Variants in DOCK9 observed in about 807,000 individuals in gnomAD.
The protein encoded by DOCK9 is dedicator of cytokinesis 9.
DOCK9 carries 89 observed loss-of-function variants against 263.3 expected under a neutral mutation model. That is an observed-to-expected ratio of 0.34 (90% CI 0.28 to 0.40). The LOEUF (loss-of-function observed/expected upper bound fraction) is 0.40, where lower values mean the gene tolerates loss of function less well. Ranked by LOEUF, DOCK9 falls within the 10% of genes least tolerant of loss-of-function variation. The pLI is 1.00. For synonymous variants in DOCK9, 976 were observed against 973.1 expected (o/e 1.00, Z -0.06); for missense variants, 2,140 against 2,603.4 (o/e 0.82, Z 3.87).
exon 1 of DOCK9, chr13:99,086,240 G>A: frequency 4.0e-6 from 6 of 1,505,146 alleles, no homozygotes; most frequent in Non-Finnish European, 5.3e-6. Context: ...ACGGAGCCGC[G>A]CACCACCTCA....
At position 99,051,850 on chromosome 13, in the gene DOCK9, A is replaced by G. The variant is rs560261641; in HGVS notation, c.129+34373T>C. 2.5e-3 allele frequency among the ~76,000 whole-genome samples: 253 copies of G among 99,420 alleles called. 1 individual carries two copies. Among genetic ancestry groups the G allele is most frequent in the Middle Eastern group, 9.3e-3 (2 of 214 alleles). The allele number at this position is 99,420 out of a possible 152,430, so 65.2% of individuals were successfully genotyped here. A position where few individuals can be genotyped will look rare whatever the true frequency, so the allele number is the denominator to read the frequency against. ...TTGCAGCTAAAGAACATGTTCCACT[A>G]GTGGCAAAAAAAAAAAAAAAAAAAA... On this transcript the variant is annotated intron_variant, in intron 1 of 32. Transcript: ENST00000427887.
chr13:99,075,336 T>C (rs2142410667), intron 1 of DOCK9, among the ~76,000 whole-genome samples: 1 of 150,014 alleles, frequency 6.7e-6, no homozygotes, highest in Non-Finnish European at 1.5e-5. Flanking sequence ...CCCATGTTGT[T>C]CAAAGGTCAG....
chr13:98,894,041 G>T (rs546738980), intron 15 of DOCK9, among the ~76,000 whole-genome samples: 23 of 152,234 alleles, frequency 1.5e-4, no homozygotes, highest in Middle Eastern at 3.4e-3. Flanking sequence ...TTTTCCCTGG[G>T]CTCCTTTCTG....
At chr13:99,004,435 A>C (rs1440038410) in intron 1 of DOCK9, among the ~76,000 whole-genome samples, 2 of 152,242 alleles carry the variant, frequency 1.3e-5, no homozygotes, top group Non-Finnish European at 2.9e-5. Flanking sequence ...TCTTAAGCCT[A>C]GAAAATATAC....
intron 1 of DOCK9, among the ~76,000 whole-genome samples, chr13:98,960,415 A>T (rs1206353132): frequency 6.6e-6 from 1 of 152,162 alleles, no homozygotes; most frequent in Non-Finnish European, 1.5e-5. Flanking sequence ...CTGCTTTTAT[A>T]GTGTATAAAA....
chr13:98,855,562 A>G (rs1566731703), intron 34 of DOCK9, among the ~76,000 whole-genome samples: 3 of 152,066 alleles, frequency 2.0e-5, no homozygotes, highest in Admixed American at 2.0e-4. Context: ...ACAGAGCGAG[A>G]CTCTGTCTCA....
chr13:98,797,160 G>A lies in DOCK9; in HGVS notation c.6111C>T (p.Asn2037=). 6.2e-7 allele frequency: 1 copy of A among 1,613,984 alleles called. No homozygotes were observed. The highest frequency in any genetic ancestry group is 8.5e-7 in the Non-Finnish European group (1 of 1,179,886). ...QLEYQEEMKA[N]YREMAKELSE... ...AAAGCTCCTTCGCCATTTCCCTGTA[G>A]TTGGCTTTCATTTCTTCCTGATACT... The change falls in exon 52 of 53, where the codon AAC becomes AAT. Residue 2037 remains asparagine (N), a synonymous_variant. Transcript: ENST00000682017.
rs748680708 is a variant in DOCK9 at position 99,015,435 on chromosome 13, G to A, written c.130-59884C>T. Reference sequence around the variant, plus strand: ...ATTAAACTACTTGTTAATTAAGCAAGATAGCATTTACCAGCCAGGAGGAGA... The same window carrying A: ...ATTAAACTACTTGTTAATTAAGCAAAATAGCATTTACCAGCCAGGAGGAGA... On this transcript the variant is annotated intron_variant, in intron 1 of 32. Transcript: ENST00000427887. The A allele has an allele frequency of 2.0e-5, 31 of 1,576,990 alleles. No individual in the cohort carries two copies. The East Asian group carries it at 6.1e-4, about 31-fold the overall frequency.
At chr13:98,935,745 G>A (rs1447818730) in intron 2 of DOCK9, among the ~76,000 whole-genome samples, 1 of 152,164 alleles carries the variant, frequency 6.6e-6, no homozygotes, top group Non-Finnish European at 1.5e-5. Context: ...TCCAGACTGG[G>A]TGACAGAATG....
intron 1 of DOCK9, among the ~76,000 whole-genome samples, chr13:99,025,574 G>C (rs1886612579): frequency 6.6e-6 from 1 of 152,254 alleles, no homozygotes; most frequent in Non-Finnish European, 1.5e-5. Flanking sequence ...AGGATGTGTT[G>C]AAAGTAGAAC....
intron 1 of DOCK9, among the ~76,000 whole-genome samples, chr13:99,012,479 G>A (rs1884669332): frequency 6.6e-6 from 1 of 152,168 alleles, no homozygotes; most frequent in East Asian, 1.9e-4. Flanking sequence ...TTTGCTTTCT[G>A]AGGGCAGGTG....
At position 98,955,506 on chromosome 13, in the gene DOCK9, C is replaced by T. The variant is rs533139175; in HGVS notation, c.172G>A (p.Val58Ile). Reference protein sequence around the residue: ...IEPLDYENVIVQKKTQILNDC... With the variant: ...IEPLDYENVIIQKKTQILNDC... The stretch of plus-strand genomic sequence containing the variant: ...TTCAGGATCTGAGTCTTCTTCTGGA[C>T]GATGACATTTTCATAGTCGAGTGGC... Residue 58 changes from valine (V) to isoleucine (I), a missense_variant, in exon 2 of 53, where the codon GTC becomes ATC. Around this residue, in one of 2 missense-constraint regions of DOCK9, gnomAD observed 1,521 missense variants for 1,741.7 expected, o/e 0.87. Coordinates refer to ENST00000682017, the MANE Select transcript of DOCK9 (RefSeq NM_001366683.2). The T allele has an allele frequency of 6.9e-6, 11 of 1,599,358 alleles. No homozygotes were observed. Among genetic ancestry groups the T allele is most frequent in the East Asian group, 4.5e-5 (2 of 44,510 alleles).
At chr13:99,015,718 T>C (rs1885303817) in intron 1 of DOCK9, 3 of 1,422,040 alleles carry the variant, frequency 2.1e-6, no homozygotes, top group Non-Finnish European at 2.7e-6. Flanking sequence ...TGACAAGCAG[T>C]CACCGGTACT....
rs913901687 is a variant in DOCK9 at position 98,829,132 on chromosome 13, T to C, written c.4965+175A>G. Among the ~76,000 whole-genome samples the C allele has an allele frequency of 6.6e-6, 1 of 152,226 alleles. No individual in the cohort carries two copies. The highest frequency in any genetic ancestry group is 1.5e-5 in the Non-Finnish European group (1 of 68,032). ...ACCCCTTACAATTTGTTTTAAATTA[T>C]TAAAATGCTCAGCTAACTATGAAGT... On this transcript the variant is annotated intron_variant, in intron 43 of 52. Transcript: ENST00000682017. This position sits in a 1 kb window ranked among gnomAD's most constrained non-coding sequence, Gnocchi z 4.1.
At chr13:99,069,916 G>A (rs1345924874) in intron 1 of DOCK9, among the ~76,000 whole-genome samples, 1 of 152,182 alleles carries the variant, frequency 6.6e-6, no homozygotes. Context: ...AATTAAGCAA[G>A]TCACTTGATT....
At chr13:98,843,555 C>G (rs558146562) in intron 38 of DOCK9, among the ~76,000 whole-genome samples, 4 of 152,260 alleles carry the variant, frequency 2.6e-5, no homozygotes, top group African/African-American at 9.6e-5. Flanking sequence ...TAGGAGATAA[C>G]AGAACCAATT....
upstream of DOCK9, among the ~76,000 whole-genome samples, chr13:98,979,476 T>A (rs1295593474): frequency 6.6e-6 from 1 of 152,080 alleles, no homozygotes; most frequent in Non-Finnish European, 1.5e-5. Flanking sequence ...TCCTAGCACC[T>A]GCTGCAGCTG....
chr13:98,864,523 T>C (rs2093963988), intron 30 of DOCK9, among the ~76,000 whole-genome samples: 1 of 152,216 alleles, frequency 6.6e-6, no homozygotes, highest in South Asian at 2.1e-4. Flanking sequence ...AACCCTTTAA[T>C]AGAAGGGGGA....
intron 40 of DOCK9, 55 bp downstream of exon 40, chr13:98,831,594 T>A (rs2140959949): frequency 2.5e-6 from 4 of 1,599,958 alleles, no homozygotes; most frequent in Non-Finnish European, 3.4e-6. Context: ...TAATGTACCC[T>A]TCAATTCCGG....
Sources: gnomAD v4.1 joint callset for allele counts (sites outside exome capture counted in the v4.1 genomes callset) on GRCh38, gnomAD v4.1.1 for gene constraint, gnomAD v4.1.1 regional missense constraint, Gnocchi (gnomAD v3.1) non-coding constraint, MANE v1.5 for transcripts, NCBI Gene and HGNC (gene_info 2026-07-23, HGNC 2026-07-21) for gene names.